Variants in SLC20A2 observed in about 807,000 individuals in gnomAD.
The protein encoded by SLC20A2 is sodium-dependent phosphate transporter 2.
A neutral mutation model predicts 61.0 loss-of-function variants in SLC20A2; 30 were observed. The observed-to-expected ratio is 0.49, with a 90% CI of 0.37 to 0.67. The LOEUF (loss-of-function observed/expected upper bound fraction) is 0.67. SLC20A2 is among the 30% of genes least tolerant of loss of function. The pLI is 0.00. For missense variants in SLC20A2, 626 were observed against 866.4 expected (o/e 0.72, Z 3.48); for synonymous variants, 351 against 353.3 (o/e 0.99, Z 0.07).
chr8:42,471,972 T>C (rs1807674420), intron 2 of SLC20A2, 130 bp downstream of exon 2: 2 of 753,214 alleles, frequency 2.7e-6, no homozygotes, highest in East Asian at 5.0e-5. Context: ...AATAAGAGAG[T>C]AAATGTGAAA....
At chr8:42,536,877 C>T (rs1393302523) in intron 1 of SLC20A2, among the ~76,000 whole-genome samples, 1 of 152,076 alleles carries the variant, frequency 6.6e-6, no homozygotes, top group African/African-American at 2.4e-5. Context: ...AGTTCGAGAC[C>T]AGCCTGGCCA....
intron 5 of SLC20A2, among the ~76,000 whole-genome samples, chr8:42,456,219 A>G (rs1374245773): frequency 6.6e-6 from 1 of 152,230 alleles, no homozygotes; most frequent in African/African-American, 2.4e-5. Flanking sequence ...TGGAAGAAGA[A>G]CCAGGAAGCA....
intron 5 of SLC20A2, among the ~76,000 whole-genome samples, chr8:42,451,243 G>GGAGGAGGAGAAACAGGAAGAA (rs1805610378): frequency 6.6e-6 from 1 of 151,348 alleles, no homozygotes. Context: ...AGGGGGCAAA[G>GGAGGAGGAGAAACAGGAAGAA]GAGGAGGAGA....
chr8:42,475,962 A>G (rs1299091958), intron 1 of SLC20A2, among the ~76,000 whole-genome samples: 1 of 152,046 alleles, frequency 6.6e-6, no homozygotes, highest in Non-Finnish European at 1.5e-5. Flanking sequence ...AACCGAAGTG[A>G]AAAATAACCG....
At chr8:42,426,617 C>T (rs1231892219) in intron 10 of SLC20A2, among the ~76,000 whole-genome samples, 2 of 152,196 alleles carry the variant, frequency 1.3e-5, no homozygotes, top group African/African-American at 4.8e-5. Flanking sequence ...ACTGCTTGAA[C>T]TCAGGAGGCA....
chr8:42,445,211 G>A (rs934476134), intron 5 of SLC20A2, among the ~76,000 whole-genome samples: 3 of 152,116 alleles, frequency 2.0e-5, no homozygotes, highest in African/African-American at 4.8e-5. Context: ...AGATTCGTTC[G>A]AACCTGGGAG....
At chr8:42,520,583 G>C (rs1442078307) in intron 1 of SLC20A2, among the ~76,000 whole-genome samples, 1 of 114,828 alleles carries the variant, frequency 8.7e-6, no homozygotes, top group Non-Finnish European at 2.1e-5. Flanking sequence ...AAAATTAGCC[G>C]GGCGTGGTGG....
chr8:42,489,481 T>C (rs1340542667), intron 1 of SLC20A2, among the ~76,000 whole-genome samples: 1 of 130,082 alleles, frequency 7.7e-6, no homozygotes, highest in Non-Finnish European at 1.6e-5. Flanking sequence ...TTTCTTTACA[T>C]GTCTTATAAT....
chr8:42,427,773 G>A (rs546116175), intron 10 of SLC20A2, among the ~76,000 whole-genome samples: 1 of 152,158 alleles, frequency 6.6e-6, no homozygotes, highest in Non-Finnish European at 1.5e-5. Flanking sequence ...GCTTGGCGTT[G>A]TCTTTTAAAC....
At chr8:42,510,658 G>A (rs1402043387) in intron 1 of SLC20A2, among the ~76,000 whole-genome samples, 2 of 151,980 alleles carry the variant, frequency 1.3e-5, no homozygotes, top group East Asian at 1.9e-4. Flanking sequence ...AGGGCTGTAG[G>A]AGTCTTTTAA....
chr8:42,465,971 C>T lies in SLC20A2; in HGVS notation c.290-54G>A, dbSNP rs770569462. 6.1e-6 allele frequency: 9 copies of T among 1,485,844 alleles called. No homozygotes were observed. In the Middle Eastern group the frequency reaches 1.1e-3, roughly 176 times the overall value. The allele number at this position is 1,485,844 out of a possible 1,614,324, so 92.0% of individuals were successfully genotyped here. A position where few individuals can be genotyped will look rare whatever the true frequency, so the allele number is the denominator to read the frequency against. The stretch of plus-strand genomic sequence containing the variant: ...GATACAGAGTACAGAGGTGCAGACA[C>T]CAAGGGAAGAAATCCAAATGTTTTC... On this transcript the variant is annotated intron_variant, in intron 2 of 10. Coordinates refer to ENST00000520262, the MANE Select transcript of SLC20A2 (RefSeq NM_001257180.2).
At chr8:42,419,707 G>A (rs1802915891) in intron 10 of SLC20A2, 2 of 969,420 alleles carry the variant, frequency 2.1e-6, no homozygotes, top group South Asian at 4.8e-5. Context: ...ATAAATAGCT[G>A]TTAATGTAGT....
chr8:42,531,695 G>A (rs79230877), intron 1 of SLC20A2, among the ~76,000 whole-genome samples: 469 of 152,188 alleles, frequency 3.1e-3, no homozygotes, highest in African/African-American at 0.011. Context: ...AACGAAAAGG[G>A]TTGGTTGTTA....
upstream of SLC20A2, among the ~76,000 whole-genome samples, chr8:42,503,854 A>G (rs1048249670): frequency 7.0e-4 from 107 of 152,300 alleles, no homozygotes; most frequent in Non-Finnish European, 1.9e-4. Flanking sequence ...ACTTATATAC[A>G]CTCAAGAAAC....
At chr8:42,538,533 T>C (rs928741482) in intron 1 of SLC20A2, among the ~76,000 whole-genome samples, 6 of 152,212 alleles carry the variant, frequency 3.9e-5, no homozygotes, top group African/African-American at 1.4e-4. Context: ...GGATCTTCAC[T>C]AGTGGAAAGT....
intron 1 of SLC20A2, among the ~76,000 whole-genome samples, chr8:42,527,202 G>C (rs575618835): frequency 6.6e-6 from 1 of 151,412 alleles, no homozygotes. Flanking sequence ...TCAGGAGTGC[G>C]AGACCAGGCT....
At chr8:42,499,924 CT>C (rs1298123297) in intron 1 of SLC20A2, among the ~76,000 whole-genome samples, 4 of 152,194 alleles carry the variant, frequency 2.6e-5, no homozygotes, top group African/African-American at 9.7e-5. Context: ...TTCTTACACT[CT>C]TTTCCTACTA....
At chr8:42,435,177 A>G (rs902029650) in intron 8 of SLC20A2, among the ~76,000 whole-genome samples, 6 of 152,166 alleles carry the variant, frequency 3.9e-5, no homozygotes, top group Admixed American at 1.3e-4. Context: ...CAAATAAAAT[A>G]CCACAGAAAT....
At chr8:42,470,651 GT>G (rs1449304439) in intron 2 of SLC20A2, among the ~76,000 whole-genome samples, 1 of 152,074 alleles carries the variant, frequency 6.6e-6, no homozygotes, top group Non-Finnish European at 1.5e-5. Flanking sequence ...TGTGAACTTG[GT>G]CAATAATCTC....
Sources: allele counts gnomAD v4.1 joint callset (sites outside exome capture counted in the v4.1 genomes callset), GRCh38; gene constraint gnomAD v4.1.1; transcripts MANE v1.5; gene names NCBI Gene and HGNC (gene_info 2026-07-23, HGNC 2026-07-21).